INO80: variants seen among roughly 807,000 people sequenced by gnomAD.
The protein encoded by INO80 is INO80 complex ATPase subunit.
INO80 carries 20 observed loss-of-function variants against 203.4 expected under a neutral mutation model. That is an observed-to-expected ratio of 0.10 (90% CI 0.07 to 0.14). INO80 has a LOEUF of 0.14. Ranked by LOEUF, INO80 falls within the 10% of genes least tolerant of loss-of-function variation. The probability of loss-of-function intolerance (pLI) is 1.00; values close to 1 mark genes in which losing one functional copy is unlikely to be tolerated. For synonymous variants in INO80, 726 were observed against 685.2 expected, an observed-to-expected ratio of 1.06 and a Z score of -0.93; for missense variants, 1,419 against 1,914.4, an observed-to-expected ratio of 0.74 and a Z score of 4.83.
intron 19 of INO80, among the ~76,000 whole-genome samples, chr15:41,053,088 A>C (rs181991753): frequency 6.6e-6 from 1 of 152,032 alleles, no homozygotes; most frequent in Non-Finnish European, 1.5e-5. Context: ...CTATGTATGG[A>C]CCTTGCTTGT....
chr15:41,074,527 G>C lies in INO80; in HGVS notation c.1170C>G (p.Thr390=), dbSNP rs2045373555. ...RQQRKLNFLI[T]QTELYAHFMS... ...TGAAATGGGCATACAACTCTGTCTG[G>C]GTAATTAAGAAGTTGAGTTTTCGCT... The change falls in exon 10 of 36, where the codon ACC becomes ACG. Residue 390 remains threonine, a synonymous_variant. Transcript: ENST00000648947. 2 of 1,611,788 alleles carry C rather than the reference G, an allele frequency of 1.2e-6. No individual in the cohort carries two copies. The highest frequency in any genetic ancestry group is 2.2e-5 in the South Asian group (2 of 90,404).
intron 5 of INO80, among the ~76,000 whole-genome samples, chr15:41,091,761 C>A (rs989384210): frequency 6.9e-6 from 1 of 145,180 alleles, no homozygotes; most frequent in African/African-American, 2.6e-5. Context: ...TCGAGCAATT[C>A]TCCTGCCTCA....
intron 14 of INO80, among the ~76,000 whole-genome samples, chr15:41,064,142 G>A (rs915829632): frequency 1.3e-5 from 2 of 152,102 alleles, no homozygotes; most frequent in Non-Finnish European, 2.9e-5. Flanking sequence ...AACAAACTTT[G>A]ACCTAAATCA....
At chr15:40,983,739 C>T (rs370667160) in intron 34 of INO80, 23 bp downstream of exon 34, 2 of 1,610,396 alleles carry the variant, frequency 1.2e-6, no homozygotes, top group Middle Eastern at 4.5e-4. Flanking sequence ...CAGGCCCAAG[C>T]TGTACAAGAC....
Position 41,041,972 on chromosome 15 carries a change from C to T in INO80, c.2907+2932G>A, listed in dbSNP as rs147464328. Among the ~76,000 whole-genome samples, 4 of 149,698 alleles carry T rather than the reference C, an allele frequency of 2.7e-5. No homozygotes were observed. In the South Asian group the frequency reaches 6.3e-4, roughly 24 times the overall value. ...GCCTCAGACTACTGAGTAGCTGGGA[C>T]TACAGGCACCCACCACCATGCTTGG... On this transcript the variant is annotated intron_variant, in intron 24 of 35. Transcript: ENST00000648947.
At chr15:41,010,694 A>G (rs943382345) in intron 27 of INO80, among the ~76,000 whole-genome samples, 2 of 152,250 alleles carry the variant, frequency 1.3e-5, no homozygotes, top group Non-Finnish European at 2.9e-5. Context: ...TCATCATCAT[A>G]AAGGATAATT....
intron 9 of INO80, among the ~76,000 whole-genome samples, chr15:41,077,136 C>T (rs142014780): frequency 2.6e-5 from 4 of 151,380 alleles, no homozygotes; most frequent in African/African-American, 7.3e-5. Flanking sequence ...CTCGATCTCC[C>T]GATCTCTTGA....
At chr15:41,110,789 C>G (rs761849683) in intron 1 of INO80, among the ~76,000 whole-genome samples, 1 of 152,174 alleles carries the variant, frequency 6.6e-6, no homozygotes, top group Non-Finnish European at 1.5e-5. Flanking sequence ...TTTTCCCCTT[C>G]TAAAAACATG....
chr15:41,064,211 A>G (rs7167166), intron 14 of INO80, among the ~76,000 whole-genome samples: 18,114 of 152,188 alleles, frequency 0.12, 3,207 homozygotes, highest in African/African-American at 0.39. Flanking sequence ...CCAATACACA[A>G]AGGACATATA....
chr15:41,023,183 G>T, intron 25 of INO80: 1 of 429,136 alleles, frequency 2.3e-6, no homozygotes, highest in African/African-American at 2.1e-5. Flanking sequence ...TAATACATGA[G>T]CATGGGCAAA....
chr15:41,031,968 C>CACAGCACAGCACAGCACAGG lies in INO80; in HGVS notation c.2908-4233_2908-4232insCCTGTGCTGTGCTGTGCTGT, dbSNP rs1566919540. Among the ~76,000 whole-genome samples the CACAGCACAGCACAGCACAGG allele has an allele frequency of 1.1e-3, 75 of 69,682 alleles. 5 individuals are homozygous for CACAGCACAGCACAGCACAGG. The highest frequency in any genetic ancestry group is 1.7e-3 in the Non-Finnish European group (54 of 32,274). The allele number at this position is 69,682 out of a possible 152,430, so 45.7% of individuals were successfully genotyped here. A position where few individuals can be genotyped will look rare whatever the true frequency, so the allele number is the denominator to read the frequency against. On this transcript the variant is annotated intron_variant, in intron 24 of 35. Transcript: ENST00000648947. ...CACAGCACAGCACAGCACAGGACAG[C>CACAGCACAGCACAGCACAGG]ACAGCACAGCACAGCACAGCACAGC...
intron 7 of INO80, among the ~76,000 whole-genome samples, chr15:41,082,250 CA>C (rs60486605): frequency 0.094 from 5,121 of 54,700 alleles, 142 homozygotes; most frequent in African/African-American, 0.18. Context: ...AACTCCGTCT[CA>C]AAAAAAAAAA....
At chr15:41,061,375 A>G (rs936728715) in intron 14 of INO80, among the ~76,000 whole-genome samples, 19 of 150,802 alleles carry the variant, frequency 1.3e-4, no homozygotes, top group Non-Finnish European at 2.2e-4. Context: ...GCAAGGCCAA[A>G]GCAGGTGGAT....
At chr15:40,998,548 C>A (rs1226657104) in intron 28 of INO80, among the ~76,000 whole-genome samples, 4 of 152,140 alleles carry the variant, frequency 2.6e-5, no homozygotes, top group Admixed American at 2.0e-4. Context: ...CAAAGAAACA[C>A]TGAATTACAA....
At chr15:40,981,825 C>T (rs1460898992) in intron 35 of INO80, among the ~76,000 whole-genome samples, 1 of 152,240 alleles carries the variant, frequency 6.6e-6, no homozygotes, top group African/African-American at 2.4e-5. Flanking sequence ...CAGGCCTCGC[C>T]ATGTGTTTAC....
chr15:41,057,669 C>T (rs188664805), intron 16 of INO80, among the ~76,000 whole-genome samples: 292 of 151,350 alleles, frequency 1.9e-3, no homozygotes, highest in African/African-American at 6.4e-3. Flanking sequence ...TGGTGGTGAG[C>T]ACTTGTAATC....
At chr15:41,087,788 G>T in intron 5 of INO80, 106 bp from the exon 6 acceptor site, 3 of 1,112,686 alleles carry the variant, frequency 2.7e-6, no homozygotes, top group African/African-American at 1.6e-5. Context: ...CCTAAATACA[G>T]TATTCTTCCC....
intron 5 of INO80, among the ~76,000 whole-genome samples, chr15:41,090,438 G>A (rs565930471): frequency 8.5e-5 from 13 of 152,190 alleles, no homozygotes; most frequent in African/African-American, 2.6e-4. Context: ...AAAGCCGGGC[G>A]TGGTGGCACA....
chr15:41,070,603 A>G, intron 12 of INO80, 56 bp from the exon 13 acceptor site: 1 of 1,400,646 alleles, frequency 7.1e-7, no homozygotes, highest in Non-Finnish European at 1.0e-6. Context: ...ATAAAGTTCA[A>G]CCTGTTACCA....
Sources: allele counts gnomAD v4.1 joint callset (sites outside exome capture counted in the v4.1 genomes callset), GRCh38; gene constraint gnomAD v4.1.1; transcripts MANE v1.5; gene names NCBI Gene and HGNC (gene_info 2026-07-23, HGNC 2026-07-21).